TBC1D5: variants seen among roughly 807,000 people sequenced by gnomAD.
TBC1D5 encodes TBC1 domain family, member 5.
A neutral mutation model predicts 100.3 loss-of-function variants in TBC1D5; 75 were observed. The ratio of observed to expected loss-of-function variants is 0.75; its 90% CI spans 0.62 to 0.91. The LOEUF (loss-of-function observed/expected upper bound fraction) is 0.91. Ranked by LOEUF, TBC1D5 falls within the 40% of genes least tolerant of loss-of-function variation. The probability of loss-of-function intolerance (pLI) is 0.00; values close to 1 mark genes in which losing one functional copy is unlikely to be tolerated. For missense variants in TBC1D5, 910 were observed against 942.4 expected (o/e 0.97, Z 0.45); for synonymous variants, 323 against 325.6 (o/e 0.99, Z 0.09).
chr3:17,229,106 A>G (rs1021953593), intron 17 of TBC1D5, among the ~76,000 whole-genome samples: 1 of 152,180 alleles, frequency 6.6e-6, no homozygotes, highest in African/African-American at 2.4e-5. Flanking sequence ...GGACACCCAA[A>G]GGCAAAATGT....
chr3:17,423,823 G>A lies in TBC1D5; in HGVS notation c.167+4627C>T, dbSNP rs554718835. Reference sequence around the variant, plus strand: ...TACAATGATTTATATTCTATCCTCCGCCATTTACACAAAACTAAGATGAGG... The same window carrying A: ...TACAATGATTTATATTCTATCCTCCACCATTTACACAAAACTAAGATGAGG... On this transcript the variant is annotated intron_variant, in intron 4 of 21. Transcript: ENST00000253692. Among the ~76,000 whole-genome samples the A allele has an allele frequency of 1.1e-4, 16 of 151,870 alleles. No homozygotes were observed. The South Asian group carries it at 2.3e-3, about 22-fold the overall frequency.
At chr3:17,358,028 G>C (rs2091371516) in intron 13 of TBC1D5, among the ~76,000 whole-genome samples, 1 of 151,944 alleles carries the variant, frequency 6.6e-6, no homozygotes, top group Non-Finnish European at 1.5e-5. Flanking sequence ...ATGTAGTTCT[G>C]TACCTCCCCC....
intron 2 of TBC1D5, among the ~76,000 whole-genome samples, chr3:17,587,781 T>C (rs1032508172): frequency 3.3e-5 from 5 of 152,020 alleles, no homozygotes; most frequent in African/African-American, 1.2e-4. Context: ...AGTGCTATAT[T>C]CACATTTTTT....
chr3:17,740,279 G>C (rs1194292035), exon 1 of TBC1D5: 3 of 151,360 alleles, frequency 2.0e-5, no homozygotes, highest in Non-Finnish European at 4.4e-5. Flanking sequence ...AGTGAGCCGA[G>C]ATCGAGCCAC....
At chr3:17,651,157 A>G (rs1457113869) in intron 1 of TBC1D5, among the ~76,000 whole-genome samples, 1 of 152,196 alleles carries the variant, frequency 6.6e-6, no homozygotes, top group African/African-American at 2.4e-5. Flanking sequence ...GAATCAAAAA[A>G]ATTCTTAAAT....
chr3:17,721,442 A>C (rs1386162689), intron 1 of TBC1D5, among the ~76,000 whole-genome samples: 1 of 143,616 alleles, frequency 7.0e-6, no homozygotes, highest in Non-Finnish European at 1.5e-5. Context: ...GAGACAGAAA[A>C]GTAAGTGTGT....
At chr3:17,316,030 G>T (rs2084657361) in intron 13 of TBC1D5, among the ~76,000 whole-genome samples, 1 of 152,172 alleles carries the variant, frequency 6.6e-6, no homozygotes, top group South Asian at 2.1e-4. Flanking sequence ...GACTGACCAA[G>T]GCCTAACTGT....
intron 13 of TBC1D5, among the ~76,000 whole-genome samples, chr3:17,339,729 A>G (rs907296521): frequency 1.3e-5 from 2 of 152,232 alleles, no homozygotes; most frequent in African/African-American, 4.8e-5. Flanking sequence ...GTATTTTTGC[A>G]TGACATTTGC....
chr3:17,457,563 G>C (rs2095116305), intron 3 of TBC1D5, among the ~76,000 whole-genome samples: 1 of 152,140 alleles, frequency 6.6e-6, no homozygotes, highest in Non-Finnish European at 1.5e-5. Flanking sequence ...ATCTGATGTT[G>C]AATGTTGCCC....
At chr3:17,381,850 T>C (rs886567980) in intron 9 of TBC1D5, among the ~76,000 whole-genome samples, 39 of 152,174 alleles carry the variant, frequency 2.6e-4, no homozygotes, top group African/African-American at 8.7e-4. Flanking sequence ...CATCTGGAAT[T>C]TATTCTCCAA....
chr3:17,238,049 A>G, intron 17 of TBC1D5, 114 bp downstream of exon 17: 1 of 1,415,760 alleles, frequency 7.1e-7, no homozygotes, highest in Non-Finnish European at 9.4e-7. Context: ...CATATTTAAA[A>G]AGTAAGTTTT....
rs373820142 is a variant in TBC1D5 at position 17,301,582 on chromosome 3, TC to T, written c.1138+6409del. ...AATGTGGTTCTGGTACCAAGGAAGC[TC>T]ACAATCTAGTTGAGGAGATAGGACC... On this transcript the variant is annotated intron_variant, in intron 14 of 21. Coordinates refer to ENST00000253692, the Ensembl canonical transcript of TBC1D5. Among the ~76,000 whole-genome samples the T allele has an allele frequency of 7.7e-4, 117 of 152,268 alleles. 2 individuals carry two copies. In the East Asian group the frequency reaches 0.012, roughly 15 times the overall value.
chr3:17,530,738 G>A (rs1217338438), intron 2 of TBC1D5, among the ~76,000 whole-genome samples: 2 of 152,112 alleles, frequency 1.3e-5, no homozygotes, highest in African/African-American at 2.4e-5. Context: ...AAAACCACAC[G>A]ATTATCTCAA....
chr3:17,677,606 GA>G (rs1312418359), intron 1 of TBC1D5, among the ~76,000 whole-genome samples: 2 of 152,192 alleles, frequency 1.3e-5, no homozygotes, highest in Non-Finnish European at 2.9e-5. Flanking sequence ...CAAGGACCCA[GA>G]ACTAGAAATG....
chr3:17,401,248 T>TGTGTAC (rs1414470224), intron 8 of TBC1D5, among the ~76,000 whole-genome samples: 1 of 150,342 alleles, frequency 6.7e-6, no homozygotes, highest in African/African-American at 2.4e-5. Flanking sequence ...CATGTATGTG[T>TGTGTAC]ATAATATACA....
At chr3:17,692,033 A>C (rs904935892) in intron 1 of TBC1D5, among the ~76,000 whole-genome samples, 1 of 152,230 alleles carries the variant, frequency 6.6e-6, no homozygotes, top group Non-Finnish European at 1.5e-5. Context: ...TACAGTAAGA[A>C]TGTTTTAAGC....
At chr3:17,271,893 GGTT>G (rs778595577) in intron 15 of TBC1D5, among the ~76,000 whole-genome samples, 7 of 152,038 alleles carry the variant, frequency 4.6e-5, no homozygotes, top group Non-Finnish European at 8.8e-5. Context: ...CAGTTTATGT[GGTT>G]ACTATACAAG....
At chr3:17,405,006 TAAAATGTG>T in intron 5 of TBC1D5, 45 bp from the exon 6 acceptor site, 5 of 1,317,170 alleles carry the variant, frequency 3.8e-6, no homozygotes, top group Non-Finnish European at 5.3e-6. Context: ...TCTTAAGATA[TAAAATGTG>T]AAACTATGCC....
intron 13 of TBC1D5, among the ~76,000 whole-genome samples, chr3:17,309,110 A>AAT (rs150937735): frequency 0.018 from 2,805 of 152,140 alleles, 82 homozygotes; most frequent in African/African-American, 0.064. Context: ...GTATAGAATA[A>AAT]CCTTTAAAAA....
Sources: gnomAD v4.1 joint callset for allele counts (sites outside exome capture counted in the v4.1 genomes callset) on GRCh38, gnomAD v4.1.1 for gene constraint, MANE v1.5 for transcripts, NCBI Gene and HGNC (gene_info 2026-07-23, HGNC 2026-07-21) for gene names.